The following MPHOSPH8 variants were observed in gnomAD, a reference collection of about 807,000 sequenced individuals.
MPHOSPH8 encodes the protein M-phase phosphoprotein, mpp.
A neutral mutation model predicts 87.3 loss-of-function variants in MPHOSPH8; 45 were observed. That is an observed-to-expected ratio of 0.52 (90% CI 0.41 to 0.66). The LOEUF (loss-of-function observed/expected upper bound fraction) is 0.66. MPHOSPH8 is among the 30% of genes least tolerant of loss of function. MPHOSPH8 has a pLI of 0.00. For missense variants in MPHOSPH8, 883 were observed against 1,020.2 expected (o/e 0.87, Z 1.83); for synonymous variants, 366 against 376.9 (o/e 0.97, Z 0.33).
chr13:19,637,795 A>G (rs1454012533), intron 1 of MPHOSPH8, among the ~76,000 whole-genome samples: 2 of 152,116 alleles, frequency 1.3e-5, no homozygotes, highest in Non-Finnish European at 2.9e-5. Context: ...TACAGAAGAC[A>G]GAAGCTCTTA....
intron 9 of MPHOSPH8, among the ~76,000 whole-genome samples, chr13:19,665,461 C>T (rs905947645): frequency 6.6e-6 from 1 of 152,220 alleles, no homozygotes; most frequent in African/African-American, 2.4e-5. Context: ...CTCTCACCCT[C>T]CCCGTGGCTG....
Position 19,673,087 on chromosome 13 carries a change from GGT to G in MPHOSPH8, c.*1213_*1214del, listed in dbSNP as rs1491272362. Reference sequence around the variant, plus strand: ...AAAAAAAGTTTCTTGGAACCTATACGGTTTTTTTTTGTTTTTTTTTTTTGAAA... The same window carrying G: ...AAAAAAAGTTTCTTGGAACCTATACGTTTTTTTTGTTTTTTTTTTTTGAAA... On this transcript the variant is annotated 3_prime_UTR_variant, in exon 14 of 14. Coordinates refer to ENST00000361479, the MANE Select transcript of MPHOSPH8 (RefSeq NM_017520.4). The G allele has an allele frequency of 1.7e-4, 9 of 52,532 alleles. 1 individual carries two copies. Among genetic ancestry groups the G allele is most frequent in the South Asian group, 5.1e-4 (2 of 3,920 alleles). The allele number at this position is 52,532 out of a possible 1,614,324, so 3.3% of individuals were successfully genotyped here.
chr13:19,649,398 A>G (rs1383857653), intron 4 of MPHOSPH8, among the ~76,000 whole-genome samples: 1 of 152,166 alleles, frequency 6.6e-6, no homozygotes, highest in Admixed American at 6.5e-5. Context: ...AGTTTTCAAT[A>G]TTCCCTGATA....
In MPHOSPH8 at chr13:19,672,680, T is replaced by TC. The variant is rs778457927; in HGVS notation, c.*805_*806insC. The TC allele has an allele frequency of 6.4e-6, 1 of 156,854 alleles. No homozygotes were observed. Among genetic ancestry groups the TC allele is most frequent in the Non-Finnish European group, 1.4e-5 (1 of 70,792 alleles). 9.7% of individuals were successfully genotyped at this position (156,854 alleles called of 1,614,324 possible). A position where few individuals can be genotyped will look rare whatever the true frequency, so the allele number is the denominator to read the frequency against. On this transcript the variant is annotated 3_prime_UTR_variant, in exon 14 of 14. Transcript: ENST00000361479. The stretch of plus-strand genomic sequence containing the variant: ...CCACACATTCCCCAAGCACAAAAGG[T>TC]GGAGATGGCAGTCACTTTGTAAATA...
At chr13:19,671,170 G>A in intron 12 of MPHOSPH8, 36 bp from the exon 13 acceptor site, 1 of 1,605,018 alleles carries the variant, frequency 6.2e-7, no homozygotes, top group Admixed American at 1.7e-5. Flanking sequence ...GTGTAAGTTT[G>A]AAAACACTGA....
At chr13:19,661,957 T>G (rs1875558131) in intron 8 of MPHOSPH8, 119 bp downstream of exon 8, 4 of 1,328,488 alleles carry the variant, frequency 3.0e-6, no homozygotes, top group Non-Finnish European at 3.0e-6. Context: ...TTTTTTTTTT[T>G]TTTAGACGGA....
intron 11 of MPHOSPH8, 90 bp from the exon 12 acceptor site, chr13:19,670,146 C>A: frequency 6.7e-7 from 1 of 1,502,256 alleles, no homozygotes; most frequent in Non-Finnish European, 9.2e-7. Flanking sequence ...CCAGGCCCAG[C>A]TCAGGGGCCT....
chr13:19,639,252 C>T (rs991386869), intron 1 of MPHOSPH8, among the ~76,000 whole-genome samples: 1 of 151,312 alleles, frequency 6.6e-6, no homozygotes, highest in Non-Finnish European at 1.5e-5. Flanking sequence ...GCTTGCGACT[C>T]CTCCTGAGCA....
intron 10 of MPHOSPH8, among the ~76,000 whole-genome samples, chr13:19,667,334 G>A (rs936204598): frequency 5.3e-5 from 8 of 152,110 alleles, no homozygotes; most frequent in Non-Finnish European, 1.0e-4. Flanking sequence ...CCCACAGTGG[G>A]ACATACAGCT....
intron 2 of MPHOSPH8, among the ~76,000 whole-genome samples, chr13:19,643,671 G>A (rs983216771): frequency 2.6e-5 from 4 of 151,924 alleles, no homozygotes; most frequent in Non-Finnish European, 4.4e-5. Context: ...TTTGGCACCA[G>A]TACATTTTCA....
intron 7 of MPHOSPH8, among the ~76,000 whole-genome samples, chr13:19,661,350 A>G (rs866658614): frequency 1.4e-4 from 21 of 152,268 alleles, no homozygotes; most frequent in African/African-American, 5.1e-4. Context: ...AAATGAGCAC[A>G]TGCTGTGGGG....
Position 19,672,271 on chromosome 13 carries a change from A to C in MPHOSPH8, c.*396A>C. 5.8e-6 allele frequency: 1 copy of C among 171,952 alleles called. No individual in the cohort carries two copies. Among genetic ancestry groups the C allele is most frequent in the Non-Finnish European group, 1.3e-5 (1 of 79,748 alleles). 10.7% of individuals were successfully genotyped at this position (171,952 alleles called of 1,614,324 possible). A position where few individuals can be genotyped will look rare whatever the true frequency, so the allele number is the denominator to read the frequency against. ...GTGATTCTCCTGCCTCAGCCTCCTG[A>C]GTAGCTGGGATTACAGACACCCGCC... On this transcript the variant is annotated 3_prime_UTR_variant, in exon 14 of 14. Coordinates refer to ENST00000361479, the MANE Select transcript of MPHOSPH8 (RefSeq NM_017520.4).
intron 7 of MPHOSPH8, chr13:19,661,047 C>T (rs1875497502): frequency 1.2e-6 from 1 of 845,662 alleles, no homozygotes; most frequent in South Asian, 5.4e-5. Flanking sequence ...TGCTTGAGCC[C>T]AGGAGTTTGA....
chr13:19,668,598 C>G, intron 11 of MPHOSPH8, 67 bp downstream of exon 11: 1 of 1,469,970 alleles, frequency 6.8e-7, no homozygotes, highest in East Asian at 2.3e-5. Context: ...GATTTTTAGA[C>G]AGAATCCTTT....
chr13:19,670,424 C>T, intron 12 of MPHOSPH8, 61 bp downstream of exon 12: 1 of 1,535,408 alleles, frequency 6.5e-7, no homozygotes, highest in East Asian at 2.3e-5. Context: ...GCACAGATGA[C>T]TTAATTTTAA....
At chr13:19,643,790 C>T (rs1054544810) in intron 2 of MPHOSPH8, among the ~76,000 whole-genome samples, 1 of 152,124 alleles carries the variant, frequency 6.6e-6, no homozygotes, top group Non-Finnish European at 1.5e-5. Flanking sequence ...CAGGGTAGCA[C>T]TGCTCTCTTT....
chr13:19,650,368 A>G, intron 5 of MPHOSPH8, 108 bp downstream of exon 5: 1 of 1,301,494 alleles, frequency 7.7e-7, no homozygotes, highest in Non-Finnish European at 1.1e-6. Context: ...AATGGAGTCG[A>G]AGAGTTTATT....
intron 11 of MPHOSPH8, among the ~76,000 whole-genome samples, chr13:19,669,292 C>T (rs957726917): frequency 2.0e-5 from 3 of 152,082 alleles, no homozygotes; most frequent in African/African-American, 7.2e-5. Context: ...AGTGATCCGC[C>T]TGCCTCAGCC....
intron 9 of MPHOSPH8, among the ~76,000 whole-genome samples, chr13:19,665,305 G>A (rs1593489534): frequency 6.6e-6 from 1 of 152,202 alleles, no homozygotes; most frequent in Non-Finnish European, 1.5e-5. Flanking sequence ...GTTTTAGAAT[G>A]AGAAGATGTA....
Sources: allele counts gnomAD v4.1 joint callset (sites outside exome capture counted in the v4.1 genomes callset), GRCh38; gene constraint gnomAD v4.1.1; transcripts MANE v1.5; gene names NCBI Gene and HGNC (gene_info 2026-07-23, HGNC 2026-07-21).